Variants in OXSR1 observed in about 807,000 individuals in gnomAD.
OXSR1 encodes the protein serine/threonine-protein kinase OSR1.
Under a neutral mutation model 79.8 loss-of-function variants are expected in OXSR1, and 24 were observed. The ratio of observed to expected loss-of-function variants is 0.30; its 90% CI spans 0.22 to 0.42. OXSR1 has a LOEUF of 0.42. Ranked by LOEUF, OXSR1 falls within the 10% of genes least tolerant of loss-of-function variation. OXSR1 has a pLI of 1.00. For missense variants in OXSR1, 430 were observed against 618.4 expected (o/e 0.70, Z 3.23); for synonymous variants, 226 against 209.2 (o/e 1.08, Z -0.69).
At position 38,251,430 on chromosome 3, in the gene OXSR1, TC is replaced by T; in HGVS notation, c.1404del (p.Ile469PhefsTer11). The part of the protein sequence containing the change: ...RDTAEGVSQE[L>X]ISAGLVDGRD... ...ACAGCAGAGGGTGTCTCTCAGGAAC[TC>T]ATTTCTGCTGGCCTGGTCGACGGAA... On this transcript the variant is annotated frameshift_variant, in exon 16 of 18. Transcript: ENST00000311806. LOFTEE classifies it high-confidence loss of function. The T allele has an allele frequency of 6.2e-7, 1 of 1,613,550 alleles. No individual in the cohort carries two copies. Among genetic ancestry groups the T allele is most frequent in the Non-Finnish European group, 8.5e-7 (1 of 1,179,524 alleles).
intron 1 of OXSR1, among the ~76,000 whole-genome samples, chr3:38,169,295 GTTTT>G (rs942151552): frequency 6.9e-6 from 1 of 145,272 alleles, no homozygotes; most frequent in African/African-American, 2.5e-5. Context: ...CCATTGGGTT[GTTTT>G]TTTTTTTGTT....
chr3:38,230,667 A>G (rs1282231955), intron 10 of OXSR1: 1 of 392,522 alleles, frequency 2.5e-6, no homozygotes, highest in Admixed American at 4.4e-5. Context: ...TGGTAAATTA[A>G]TTCTAAACTC....
At chr3:38,214,367 C>T (rs530506544) in intron 4 of OXSR1, among the ~76,000 whole-genome samples, 1 of 152,074 alleles carries the variant, frequency 6.6e-6, no homozygotes, top group Admixed American at 6.6e-5. Flanking sequence ...AAGATACAGG[C>T]CCAGATCTAG....
intron 14 of OXSR1, 120 bp from the exon 15 acceptor site, chr3:38,249,846 A>G (rs1703219134): frequency 1.5e-6 from 1 of 683,164 alleles, no homozygotes; most frequent in Non-Finnish European, 2.6e-6. Flanking sequence ...TGAATACATC[A>G]TATGATCTAT....
chr3:38,199,608 C>G (rs997660224), intron 4 of OXSR1, among the ~76,000 whole-genome samples: 1 of 152,106 alleles, frequency 6.6e-6, no homozygotes, highest in Non-Finnish European at 1.5e-5. Flanking sequence ...TAGTTAAGTG[C>G]CCTGTTTAGG....
chr3:38,215,775 T>C (rs915859458), intron 4 of OXSR1, among the ~76,000 whole-genome samples: 1 of 152,146 alleles, frequency 6.6e-6, no homozygotes, highest in African/African-American at 2.4e-5. Flanking sequence ...TGATAATTCA[T>C]TGGGGTATAG....
Position 38,250,019 on chromosome 3 carries a change from G to A in OXSR1, c.1375+1G>A, listed in dbSNP as rs745386415. 1 of 1,581,504 alleles carries A rather than the reference G, an allele frequency of 6.3e-7. No homozygotes were observed. ...CGATTTGAATTTACTCCTGGGAGAG[G>A]TGAGGCATCAAATGGATTGAAAACA... On this transcript the variant is annotated splice_donor_variant, in intron 15 of 17. Coordinates refer to ENST00000311806, the MANE Select transcript of OXSR1 (RefSeq NM_005109.3). LOFTEE classifies it high-confidence loss of function.
intron 1 of OXSR1, among the ~76,000 whole-genome samples, chr3:38,182,172 C>A (rs552348939): frequency 6.6e-6 from 1 of 152,246 alleles, no homozygotes; most frequent in Admixed American, 6.5e-5. Flanking sequence ...CTGTTTTATT[C>A]TTCTGGCACC....
At chr3:38,251,375 CAG>C (rs878896642) in intron 15 of OXSR1, 26 bp from the exon 16 acceptor site, 5 of 1,597,422 alleles carry the variant, frequency 3.1e-6, no homozygotes, top group Middle Eastern at 1.7e-4. Flanking sequence ...GCACAAAAAA[CAG>C]AGCACTGTCT....
At chr3:38,208,672 G>A (rs548865133) in intron 4 of OXSR1, among the ~76,000 whole-genome samples, 2 of 152,192 alleles carry the variant, frequency 1.3e-5, no homozygotes, top group African/African-American at 4.8e-5. Context: ...GGAGGTTGAG[G>A]TTGGTGGATC....
intron 2 of OXSR1, among the ~76,000 whole-genome samples, chr3:38,185,405 C>T (rs1284550112): frequency 6.6e-6 from 1 of 151,130 alleles, no homozygotes. Context: ...GCCAACATGG[C>T]AAAACCCTGT....
At chr3:38,179,426 C>T (rs1304345609) in intron 1 of OXSR1, among the ~76,000 whole-genome samples, 1 of 152,084 alleles carries the variant, frequency 6.6e-6, no homozygotes, top group Non-Finnish European at 1.5e-5. Context: ...CTTGGCCTCC[C>T]AAAGTGTTAG....
At chr3:38,167,722 C>G (rs1469229441) in intron 1 of OXSR1, among the ~76,000 whole-genome samples, 1 of 152,156 alleles carries the variant, frequency 6.6e-6, no homozygotes, top group East Asian at 1.9e-4. Flanking sequence ...CATATTGGGT[C>G]TTTGACATGT....
chr3:38,193,715 A>G (rs185533093), intron 3 of OXSR1, among the ~76,000 whole-genome samples: 8 of 151,912 alleles, frequency 5.3e-5, no homozygotes, highest in Admixed American at 3.9e-4. Context: ...TGTCTTTTAA[A>G]TGTAGCTCTT....
intron 1 of OXSR1, among the ~76,000 whole-genome samples, chr3:38,182,138 G>C (rs1171654873): frequency 1.3e-5 from 2 of 152,152 alleles, no homozygotes; most frequent in East Asian, 1.9e-4. Flanking sequence ...TCAGTTTTCA[G>C]ATCTCTTGGA....
At chr3:38,186,708 A>C (rs1408507454) in intron 2 of OXSR1, among the ~76,000 whole-genome samples, 2 of 152,056 alleles carry the variant, frequency 1.3e-5, no homozygotes, top group Non-Finnish European at 2.9e-5. Flanking sequence ...TCCTTTCATC[A>C]GTTGTTGGGC....
chr3:38,249,020 GTA>G (rs1052705780), intron 14 of OXSR1, among the ~76,000 whole-genome samples: 4 of 152,130 alleles, frequency 2.6e-5, no homozygotes, highest in Admixed American at 1.3e-4. Flanking sequence ...ACATGCAGAA[GTA>G]TAAGTTTGTA....
At chr3:38,224,827 A>C (rs964028937) in intron 8 of OXSR1, 123 bp downstream of exon 8, 1 of 673,800 alleles carries the variant, frequency 1.5e-6, no homozygotes, top group Non-Finnish European at 2.4e-6. Context: ...TTAAAAAAGT[A>C]TACAGAGACC....
At chr3:38,199,545 A>G (rs1400246639) in intron 4 of OXSR1, among the ~76,000 whole-genome samples, 1 of 152,064 alleles carries the variant, frequency 6.6e-6, no homozygotes, top group Non-Finnish European at 1.5e-5. Flanking sequence ...TTCTTTTTTA[A>G]TAAATAAGAG....
Sources: gnomAD v4.1 joint callset for allele counts (sites outside exome capture counted in the v4.1 genomes callset) on GRCh38, gnomAD v4.1.1 for gene constraint, MANE v1.5 for transcripts, NCBI Gene and HGNC (gene_info 2026-07-23, HGNC 2026-07-21) for gene names.